Variants in FSIP1 observed in about 807,000 individuals in gnomAD.
FSIP1 encodes the protein fibrous sheath-interacting protein 1.
A neutral mutation model predicts 60.9 loss-of-function variants in FSIP1; 65 were observed. The observed-to-expected ratio is 1.07, with a 90% CI of 0.87 to 1.31. FSIP1 has a LOEUF of 1.31. Ranked by LOEUF, FSIP1 falls within the 40% of genes most tolerant of loss-of-function variation. The pLI is 0.00. For missense variants in FSIP1, 675 were observed against 665.5 expected (o/e 1.01, Z -0.16); for synonymous variants, 209 against 221.2 (o/e 0.94, Z 0.49).
At chr15:39,667,416 C>A (rs931912275) in intron 10 of FSIP1, among the ~76,000 whole-genome samples, 1 of 152,126 alleles carries the variant, frequency 6.6e-6, no homozygotes, top group Non-Finnish European at 1.5e-5. Flanking sequence ...CTCTGTCTAT[C>A]CTTAGATGCC....
chr15:39,663,757 A>G (rs918309218), intron 10 of FSIP1, among the ~76,000 whole-genome samples: 2 of 152,212 alleles, frequency 1.3e-5, no homozygotes, highest in African/African-American at 2.4e-5. Context: ...AAGGGGAGAT[A>G]AAAAAGGAAA....
At chr15:39,641,984 G>A (rs1326266919) in intron 10 of FSIP1, among the ~76,000 whole-genome samples, 1 of 152,122 alleles carries the variant, frequency 6.6e-6, no homozygotes, top group Non-Finnish European at 1.5e-5. Flanking sequence ...ACAAGAATAG[G>A]ATGTGGGTTG....
At chr15:39,640,558 C>G (rs1054145399) in intron 10 of FSIP1, among the ~76,000 whole-genome samples, 7 of 152,112 alleles carry the variant, frequency 4.6e-5, no homozygotes, top group African/African-American at 1.7e-4. Context: ...GGAAAGAAAA[C>G]TTCTTTTGTT....
At chr15:39,718,491 A>AT (rs1895834462) in intron 9 of FSIP1, among the ~76,000 whole-genome samples, 1 of 105,692 alleles carries the variant, frequency 9.5e-6, no homozygotes, top group Admixed American at 1.2e-4. Flanking sequence ...AAGCAGACAA[A>AT]CCTTTTTTTT....
intron 5 of FSIP1, among the ~76,000 whole-genome samples, chr15:39,750,809 G>A (rs975842791): frequency 6.6e-6 from 1 of 151,550 alleles, no homozygotes; most frequent in African/African-American, 2.4e-5. Flanking sequence ...AACTAAGAAG[G>A]TTCTGCCTAG....
At chr15:39,686,359 C>T (rs1894374180) in intron 10 of FSIP1, among the ~76,000 whole-genome samples, 1 of 152,236 alleles carries the variant, frequency 6.6e-6, no homozygotes, top group Admixed American at 6.5e-5. Flanking sequence ...TGAGAAAATA[C>T]ATTTTCAATT....
chr15:39,778,767 CAA>C (rs1164964310), intron 1 of FSIP1, among the ~76,000 whole-genome samples: 1 of 152,006 alleles, frequency 6.6e-6, no homozygotes, highest in Non-Finnish European at 1.5e-5. Flanking sequence ...CACAGGAAAT[CAA>C]AGAGACTGTC....
chr15:39,701,669 A>G (rs1473559508), intron 10 of FSIP1, among the ~76,000 whole-genome samples: 1 of 152,206 alleles, frequency 6.6e-6, no homozygotes, highest in Admixed American at 6.5e-5. Flanking sequence ...TCTTTGTCAT[A>G]TTCTCAAAGC....
intron 11 of FSIP1, among the ~76,000 whole-genome samples, chr15:39,607,498 T>C (rs1015513573): frequency 6.6e-6 from 1 of 152,174 alleles, no homozygotes; most frequent in Non-Finnish European, 1.5e-5. Context: ...AACTAGTGAG[T>C]ACAATGCTGA....
chr15:39,633,154 G>A (rs112701180), intron 10 of FSIP1, among the ~76,000 whole-genome samples: 5,028 of 141,782 alleles, frequency 0.035, 112 homozygotes, highest in Non-Finnish European at 0.05. Context: ...GCAGTGGTGC[G>A]ATCTCGGCTC....
chr15:39,658,439 G>A (rs1193790238), intron 10 of FSIP1, among the ~76,000 whole-genome samples: 5 of 151,718 alleles, frequency 3.3e-5, no homozygotes, highest in Admixed American at 6.6e-5. Context: ...TAGCAGAGAC[G>A]GGTTTTCACC....
intron 11 of FSIP1, among the ~76,000 whole-genome samples, chr15:39,603,304 A>T (rs8039035): frequency 0.39 from 59,853 of 152,082 alleles, 13,807 homozygotes; most frequent in African/African-American, 0.65. Context: ...CCAGACCCTG[A>T]TCTCAGAAAC....
chr15:39,756,192 G>A lies in FSIP1; in HGVS notation c.559+7629C>T, dbSNP rs16969798. ...CTCTTGGAGTCAAGGCATCTTTTGT[G>A]TTTAGCACCTATAAATAAAAGTAAA... On this transcript the variant is annotated intron_variant, in intron 5 of 11. Coordinates refer to ENST00000350221, the MANE Select transcript of FSIP1 (RefSeq NM_152597.5). Among the ~76,000 whole-genome samples the A allele has an allele frequency of 5.4e-3, 824 of 152,194 alleles. 5 individuals are homozygous for A. The highest frequency in any genetic ancestry group is 0.019 in the African/African-American group (770 of 41,540).
chr15:39,753,422 CTG>C (rs1302703102), intron 5 of FSIP1, among the ~76,000 whole-genome samples: 1 of 136,186 alleles, frequency 7.3e-6, no homozygotes, highest in African/African-American at 2.5e-5. Flanking sequence ...TTTCACACAC[CTG>C]TGTGTGCACA....
chr15:39,604,024 C>T (rs955987918), intron 11 of FSIP1, among the ~76,000 whole-genome samples: 9 of 152,180 alleles, frequency 5.9e-5, no homozygotes, highest in Admixed American at 1.3e-4. Flanking sequence ...CTCCACCTCC[C>T]GAGTTCAAGC....
At chr15:39,775,268 A>G (rs1048398229) in intron 2 of FSIP1, among the ~76,000 whole-genome samples, 3 of 152,050 alleles carry the variant, frequency 2.0e-5, no homozygotes, top group Admixed American at 6.6e-5. Flanking sequence ...CTTGAAATAC[A>G]TAGAATGCTA....
intron 10 of FSIP1, among the ~76,000 whole-genome samples, chr15:39,631,554 G>A (rs556709599): frequency 6.6e-6 from 1 of 152,140 alleles, no homozygotes; most frequent in African/African-American, 2.4e-5. Flanking sequence ...GCGAAGTAAC[G>A]AAGACACCTC....
intron 9 of FSIP1, among the ~76,000 whole-genome samples, chr15:39,717,020 G>A (rs373919877): frequency 2.0e-4 from 31 of 151,838 alleles, no homozygotes; most frequent in African/African-American, 7.2e-4. Context: ...TCACCATGTT[G>A]GCCAGGATGG....
At chr15:39,672,107 G>A (rs1001830348) in intron 10 of FSIP1, among the ~76,000 whole-genome samples, 6 of 152,224 alleles carry the variant, frequency 3.9e-5, no homozygotes, top group Admixed American at 2.6e-4. Context: ...AAGGAGACTA[G>A]CGACTACCTC....
Sources: gnomAD v4.1 joint callset for allele counts (sites outside exome capture counted in the v4.1 genomes callset) on GRCh38, gnomAD v4.1.1 for gene constraint, MANE v1.5 for transcripts, NCBI Gene and HGNC (gene_info 2026-07-23, HGNC 2026-07-21) for gene names.